BEND3: variants seen among roughly 807,000 people sequenced by gnomAD.
BEND3 encodes the protein BEN domain containing 3, also known as BEN domain-containing protein 3.
Under a neutral mutation model 60.1 loss-of-function variants are expected in BEND3, and 13 were observed. The ratio of observed to expected loss-of-function variants is 0.22; its 90% CI spans 0.14 to 0.34. The LOEUF (loss-of-function observed/expected upper bound fraction) is 0.34. BEND3 is among the 10% of genes least tolerant of loss of function. The pLI is 1.00. For synonymous variants in BEND3, 497 were observed against 491.5 expected, an observed-to-expected ratio of 1.01 and a Z score of -0.15; for missense variants, 896 against 1,138.1, an observed-to-expected ratio of 0.79 and a Z score of 3.06.
rs976496446 is a variant in BEND3, at chr6:107,068,564, A to C, written c.*140T>G. 18 of 933,408 alleles carry C rather than the reference A, an allele frequency of 1.9e-5. No homozygotes were observed. The highest frequency in any genetic ancestry group is 2.8e-5 in the Non-Finnish European group (18 of 637,458). 57.8% of individuals were successfully genotyped at this position (933,408 alleles called of 1,614,324 possible). A position where few individuals can be genotyped will look rare whatever the true frequency, so the allele number is the denominator to read the frequency against. On this transcript the variant is annotated 3_prime_UTR_variant, in exon 4 of 4. Coordinates refer to ENST00000369042, the MANE Select transcript of BEND3 (RefSeq NM_001367314.1). The surrounding 1 kb of genome is among the most constrained non-coding windows in gnomAD (Gnocchi z 5.8). ...CGGTTGGGTGGGTGTTTACGTGTGC[A>C]AATGTAGTAAGCCACTCCCCACGGA...
rs558391219 is a variant in BEND3 at position 107,106,521 on chromosome 6, T to C, written c.-11-7225A>G. ...AGTCTGTGACCAAGGCAGGAATTAG[T>C]GCAGGTGACCCTCCAAAAAATGGAA... On this transcript the variant is annotated intron_variant, in intron 1 of 3. Transcript: ENST00000369042. Among the ~76,000 whole-genome samples the C allele has an allele frequency of 7.2e-5, 11 of 152,352 alleles. No homozygotes were observed. In the South Asian group the frequency reaches 2.3e-3, roughly 32 times the overall value.
At chr6:107,090,233 C>T (rs1348423910) in intron 3 of BEND3, among the ~76,000 whole-genome samples, 3 of 152,064 alleles carry the variant, frequency 2.0e-5, no homozygotes, top group African/African-American at 7.2e-5. Flanking sequence ...CCTGTAATTC[C>T]AGCTTCTGGG....
At chr6:107,075,666 T>C (rs1775085505) in intron 3 of BEND3, among the ~76,000 whole-genome samples, 1 of 152,166 alleles carries the variant, frequency 6.6e-6, no homozygotes, top group Non-Finnish European at 1.5e-5. Context: ...AAAGGAGACT[T>C]TGCTTTAAAA....
chr6:107,087,145 A>G (rs1453729701), intron 3 of BEND3, among the ~76,000 whole-genome samples: 2 of 152,010 alleles, frequency 1.3e-5, no homozygotes, highest in African/African-American at 4.8e-5. Flanking sequence ...CAGCCTGGTC[A>G]ACATGGCGAA....
At chr6:107,111,204 CATT>C (rs1372276483) in intron 1 of BEND3, among the ~76,000 whole-genome samples, 1 of 151,934 alleles carries the variant, frequency 6.6e-6, no homozygotes, top group East Asian at 1.9e-4. Context: ...AGGAGTGTAT[CATT>C]CTATGAAAGA....
chr6:107,111,276 C>T (rs1448895472), intron 1 of BEND3, among the ~76,000 whole-genome samples: 18 of 151,930 alleles, frequency 1.2e-4, no homozygotes, highest in Admixed American at 9.8e-4. Flanking sequence ...TTCGGGAGGC[C>T]GAGGTGGGCA....
At chr6:107,098,512 T>G in intron 3 of BEND3, 39 bp downstream of exon 3, 1 of 1,596,968 alleles carries the variant, frequency 6.3e-7, no homozygotes, top group Non-Finnish European at 8.5e-7. Context: ...CAGAGAGGGT[T>G]AGAGCCCAAG....
At position 107,069,760 on chromosome 6, in the gene BEND3, G is replaced by A. The variant is rs782588658; in HGVS notation, c.1431C>T (p.Asn477=). Residue 477 remains asparagine (N), a synonymous_variant, in exon 4 of 4, where the codon AAC becomes AAT. Coordinates refer to ENST00000369042, the MANE Select transcript of BEND3 (RefSeq NM_001367314.1). ...AWLQQCAQRI[N]DELEGLGLDA... ...CCAGCCCCAGGCCCTCGAGCTCGTC[G>A]TTGATGCGCTGGGCACACTGCTGCA... 6 of 1,612,560 alleles carry A rather than the reference G, an allele frequency of 3.7e-6. No homozygotes were observed. Among genetic ancestry groups the A allele is most frequent in the East Asian group, 4.5e-5 (2 of 44,880 alleles).
At chr6:107,105,110 C>A (rs1454859297) in intron 1 of BEND3, among the ~76,000 whole-genome samples, 1 of 152,092 alleles carries the variant, frequency 6.6e-6, no homozygotes, top group Admixed American at 6.6e-5. Flanking sequence ...CAGTGGCTCA[C>A]ACCCGTAATC....
rs1554231557 is a variant in BEND3, at chr6:107,069,679, C to A, written c.1512G>T (p.Leu504=). Residue 504 remains leucine, a synonymous_variant, in exon 4 of 4, where the codon CTG becomes CTT. Coordinates refer to ENST00000369042, the MANE Select transcript of BEND3 (RefSeq NM_001367314.1). ...PRDDCYDSSS[L]PDDISVVKVE... is the part of the protein sequence containing the mutation. ...CCTTGACCACTGAGATGTCGTCGGGCAGACTGGAGGAGTCGTAGCAGTCAT... is the reference window on the plus strand; with the variant it reads ...CCTTGACCACTGAGATGTCGTCGGGAAGACTGGAGGAGTCGTAGCAGTCAT... 1.2e-6 allele frequency: 2 copies of A among 1,609,802 alleles called. No individual in the cohort carries two copies. Among genetic ancestry groups the A allele is most frequent in the Non-Finnish European group, 8.5e-7 (1 of 1,180,008 alleles).
intron 2 of BEND3, 73 bp downstream of exon 2, chr6:107,099,176 A>C (rs1449126588): frequency 8.1e-7 from 1 of 1,235,138 alleles, no homozygotes; most frequent in Non-Finnish European, 1.2e-6. Context: ...ATATTTTTGG[A>C]CCATGTGAAT....
Position 107,112,239 on chromosome 6 carries a change from T to C in BEND3, c.-12+2851A>G, listed in dbSNP as rs144421359. Among the ~76,000 whole-genome samples, 15 of 152,294 alleles carry C rather than the reference T, an allele frequency of 9.8e-5. No individual in the cohort carries two copies. In the East Asian group the frequency reaches 2.9e-3, roughly 29 times the overall value. ...AAAAGTAGCAGGTGAGACATTAATATAGGATATTACATTTTCACCTAATCA... is the reference window on the plus strand; with the variant it reads ...AAAAGTAGCAGGTGAGACATTAATACAGGATATTACATTTTCACCTAATCA... On this transcript the variant is annotated intron_variant, in intron 1 of 3. Transcript: ENST00000369042.
chr6:107,097,907 C>T, intron 3 of BEND3, among the ~76,000 whole-genome samples: 1 of 151,420 alleles, frequency 6.6e-6, no homozygotes, highest in East Asian at 1.9e-4. Context: ...AAATCTTAGT[C>T]TCATCATTAT....
chr6:107,088,505 C>T (rs1230492284), intron 3 of BEND3, among the ~76,000 whole-genome samples: 2 of 151,756 alleles, frequency 1.3e-5, no homozygotes, highest in African/African-American at 2.4e-5. Context: ...ACATGATACA[C>T]GAGAAACAAA....
intron 3 of BEND3, among the ~76,000 whole-genome samples, chr6:107,096,557 G>A (rs1256301551): frequency 1.3e-5 from 2 of 152,222 alleles, no homozygotes; most frequent in Non-Finnish European, 2.9e-5. Context: ...GCTGCAGTGA[G>A]CTGAGCTCAT....
rs559119498 is a variant in BEND3, at chr6:107,108,867, G to A, written c.-12+6223C>T. ...GTTGCCCAGGATGGAGTGCAGTGGT[G>A]CGACCTCGGCTCTCTGCAACTCTGC... is the stretch of plus-strand genomic sequence containing the variant. On this transcript the variant is annotated intron_variant, in intron 1 of 3. Transcript: ENST00000369042. Among the ~76,000 whole-genome samples, 11 of 152,262 alleles carry A rather than the reference G, an allele frequency of 7.2e-5. No individual in the cohort carries two copies. In the South Asian group the frequency reaches 2.3e-3, roughly 32 times the overall value.
At chr6:107,091,428 TAG>T (rs1562309946) in intron 3 of BEND3, among the ~76,000 whole-genome samples, 1 of 152,048 alleles carries the variant, frequency 6.6e-6, no homozygotes, top group Non-Finnish European at 1.5e-5. Flanking sequence ...CAGGCTAAGT[TAG>T]AGAGAGAAAG....
Position 107,068,240 on chromosome 6 carries a change from A to AT in BEND3, c.*463dup, listed in dbSNP as rs1356335117. The AT allele has an allele frequency of 1.9e-5, 3 of 154,766 alleles. No homozygotes were observed. Among genetic ancestry groups the AT allele is most frequent in the African/African-American group, 7.2e-5 (3 of 41,386 alleles). 9.6% of individuals were successfully genotyped at this position (154,766 alleles called of 1,614,324 possible). A position where few individuals can be genotyped will look rare whatever the true frequency, so the allele number is the denominator to read the frequency against. On this transcript the variant is annotated 3_prime_UTR_variant, in exon 4 of 4. Coordinates refer to ENST00000369042, the MANE Select transcript of BEND3 (RefSeq NM_001367314.1). The surrounding 1 kb of genome is among the most constrained non-coding windows in gnomAD (Gnocchi z 5.8). ...GCACGAACATGGCACTTTTAAAGAG[A>AT]TTTTTTTCTAAGTAAAATGGCCCCC...
intron 1 of BEND3, among the ~76,000 whole-genome samples, chr6:107,111,981 CAA>C (rs57840795): frequency 3.2e-4 from 47 of 145,372 alleles, no homozygotes; most frequent in African/African-American, 1.2e-3. Context: ...GACTCCGTTT[CAA>C]AAAAAAAAAA....
Sources: gnomAD v4.1 joint callset for allele counts (sites outside exome capture counted in the v4.1 genomes callset) on GRCh38, gnomAD v4.1.1 for gene constraint, Gnocchi (gnomAD v3.1) non-coding constraint, MANE v1.5 for transcripts, NCBI Gene and HGNC (gene_info 2026-07-23, HGNC 2026-07-21) for gene names.